TLE2: variants seen among roughly 807,000 people sequenced by gnomAD.
The protein encoded by TLE2 is transducin-like enhancer protein 2.
TLE2 carries 74 observed loss-of-function variants against 97.2 expected under a neutral mutation model. The ratio of observed to expected loss-of-function variants is 0.76; its 90% CI spans 0.63 to 0.92. The LOEUF (loss-of-function observed/expected upper bound fraction) is 0.92. TLE2 is among the 40% of genes least tolerant of loss of function. TLE2 has a pLI of 0.00. For missense variants in TLE2, 1,038 were observed against 1,008.7 expected, an observed-to-expected ratio of 1.03 and a Z score of -0.39; for synonymous variants, 499 against 432.1, an observed-to-expected ratio of 1.15 and a Z score of -1.92.
intron 5 of TLE2, among the ~76,000 whole-genome samples, chr19:3,023,701 C>A (rs1177419646): frequency 6.6e-6 from 1 of 151,832 alleles, no homozygotes; most frequent in African/African-American, 2.4e-5. Flanking sequence ...GAGACCAGCC[C>A]GGGCAACATA....
chr19:3,024,753 G>C (rs989399516), intron 5 of TLE2, among the ~76,000 whole-genome samples: 2 of 152,156 alleles, frequency 1.3e-5, no homozygotes, highest in African/African-American at 4.8e-5. Flanking sequence ...GGCTTGAGGG[G>C]GTCAGCTCTA....
intron 19 of TLE2, among the ~76,000 whole-genome samples, chr19:2,998,619 G>T (rs1167236930): frequency 1.3e-5 from 2 of 152,016 alleles, no homozygotes; most frequent in Non-Finnish European, 2.9e-5. Context: ...TCCCCATGTT[G>T]GCCAGGCTAG....
intron 1 of TLE2, among the ~76,000 whole-genome samples, chr19:3,044,483 G>A (rs1007481871): frequency 2.0e-5 from 3 of 152,128 alleles, no homozygotes; most frequent in Non-Finnish European, 2.9e-5. Flanking sequence ...GCAGTGGCAC[G>A]ATTTCTGCTC....
chr19:3,007,570 G>A (rs1439073182), intron 14 of TLE2, among the ~76,000 whole-genome samples: 1 of 152,104 alleles, frequency 6.6e-6, no homozygotes, highest in East Asian at 1.9e-4. Flanking sequence ...GAAAAAGGCA[G>A]GACAATGTGG....
At chr19:3,006,027 C>A in intron 15 of TLE2, 59 bp from the exon 16 acceptor site, 1 of 1,589,624 alleles carries the variant, frequency 6.3e-7, no homozygotes, top group Non-Finnish European at 8.6e-7. Context: ...TCTCTAGGAG[C>A]CTAGCTCAAC....
At chr19:3,010,864 C>T (rs2089580320) in intron 12 of TLE2, among the ~76,000 whole-genome samples, 158 bp downstream of exon 12, 1 of 152,176 alleles carries the variant, frequency 6.6e-6, no homozygotes, top group Admixed American at 6.6e-5. Flanking sequence ...TGAGGAACTG[C>T]CCAGAGGGAG....
At chr19:2,998,215 C>T (rs892843414) in intron 19 of TLE2, among the ~76,000 whole-genome samples, 13 of 149,038 alleles carry the variant, frequency 8.7e-5, no homozygotes, top group East Asian at 5.9e-4. Flanking sequence ...GGATTATAGG[C>T]GCCCGCAACC....
chr19:3,024,995 TC>T, intron 5 of TLE2, 24 bp downstream of exon 5: 12 of 790,152 alleles, frequency 1.5e-5, no homozygotes, highest in Non-Finnish European at 2.4e-5. Flanking sequence ...CTTCCCCTCC[TC>T]CCCCCACCCC....
chr19:3,040,253 G>A (rs1242062422), intron 1 of TLE2, among the ~76,000 whole-genome samples: 2 of 152,066 alleles, frequency 1.3e-5, no homozygotes, highest in African/African-American at 4.8e-5. Context: ...CCCCAAACTC[G>A]CCCAGCCTGG....
At chr19:3,015,833 G>C (rs891928208) in intron 8 of TLE2, 73 bp from the exon 9 acceptor site, 1 of 1,107,384 alleles carries the variant, frequency 9.0e-7, no homozygotes, top group African/African-American at 1.5e-5. Flanking sequence ...TGATCCAGCC[G>C]AGACTGAGGG....
chr19:3,025,368 A>G, intron 4 of TLE2: 1 of 1,213,066 alleles, frequency 8.2e-7, no homozygotes, highest in South Asian at 3.1e-5. Flanking sequence ...CACACCCGCC[A>G]GGGATTTGCA....
upstream of TLE2, among the ~76,000 whole-genome samples, chr19:3,030,417 G>A (rs746749582): frequency 1.3e-5 from 2 of 152,142 alleles, no homozygotes; most frequent in Non-Finnish European, 2.9e-5. Context: ...CTCAGGAGAG[G>A]TTTGTGAAGT....
chr19:3,019,186 C>T lies in TLE2; in HGVS notation c.550+97G>A. On this transcript the variant is annotated intron_variant, in intron 7 of 19. Coordinates refer to ENST00000262953, the MANE Select transcript of TLE2 (RefSeq NM_003260.5). This position sits in a 1 kb window ranked among gnomAD's most constrained non-coding sequence, Gnocchi z 5.1. ...TTGTTGGGATTATAGGCATGAGCCA[C>T]TTCATCCCCTCACGCTGATGTTTGC... is the stretch of plus-strand genomic sequence containing the variant. 6.8e-7 allele frequency: 1 copy of T among 1,473,780 alleles called. No individual in the cohort carries two copies. The highest frequency in any genetic ancestry group is 9.1e-7 in the Non-Finnish European group (1 of 1,102,428). 91.3% of individuals were successfully genotyped at this position (1,473,780 alleles called of 1,614,324 possible).
intron 5 of TLE2, among the ~76,000 whole-genome samples, chr19:3,023,676 T>G (rs527767140): frequency 1.3e-5 from 2 of 152,090 alleles, no homozygotes; most frequent in South Asian, 4.2e-4. Context: ...GCGGATTGCT[T>G]GAGTCCGGGG....
chr19:3,007,818 C>T lies in TLE2; in HGVS notation c.1250+1051G>A, dbSNP rs542403457. Among the ~76,000 whole-genome samples the T allele has an allele frequency of 5.3e-4, 81 of 152,270 alleles. No homozygotes were observed. The South Asian group carries it at 0.016, about 30-fold the overall frequency. On this transcript the variant is annotated intron_variant, in intron 14 of 19. Coordinates refer to ENST00000262953, the MANE Select transcript of TLE2 (RefSeq NM_003260.5). ...AAACATTTTCAGGCCGGCACAGTGG[C>T]TCACACCTGGAATCCCAGCACTTCG...
chr19:3,036,932 G>A (rs1394496474), intron 1 of TLE2, among the ~76,000 whole-genome samples: 4 of 152,164 alleles, frequency 2.6e-5, no homozygotes, highest in Non-Finnish European at 5.9e-5. Flanking sequence ...GCTCAGCCAG[G>A]ATTTAGCGCC....
At chr19:3,045,912 C>T (rs1334508233), upstream of TLE2, 3 of 315,572 alleles carry the variant, frequency 9.5e-6, no homozygotes, top group South Asian at 2.5e-5. Flanking sequence ...CTTAGAGCCT[C>T]AGTTTCCTTA....
At chr19:3,034,119 G>C (rs2090046038), upstream of TLE2, among the ~76,000 whole-genome samples, 13 of 151,722 alleles carry the variant, frequency 8.6e-5, no homozygotes, top group Admixed American at 8.5e-4. Flanking sequence ...GCTCCTATCA[G>C]GGTTCCCACA....
At chr19:3,024,306 G>A (rs974495398) in intron 5 of TLE2, among the ~76,000 whole-genome samples, 5 of 151,866 alleles carry the variant, frequency 3.3e-5, no homozygotes, top group Non-Finnish European at 5.9e-5. Context: ...GCACCTGGCC[G>A]AATTACAGTC....
Sources: gnomAD v4.1 joint callset for allele counts (sites outside exome capture counted in the v4.1 genomes callset) on GRCh38, gnomAD v4.1.1 for gene constraint, Gnocchi (gnomAD v3.1) non-coding constraint, MANE v1.5 for transcripts, NCBI Gene and HGNC (gene_info 2026-07-23, HGNC 2026-07-21) for gene names.